AUTS2: variants seen among roughly 807,000 people sequenced by gnomAD.
The protein encoded by AUTS2 is activator of transcription and developmental regulator AUTS2.
In AUTS2, 17 loss-of-function variants were observed where a neutral mutation model predicts 112.4. The ratio of observed to expected loss-of-function variants is 0.15; its 90% CI spans 0.10 to 0.23. AUTS2 has a LOEUF of 0.23. Among genes scored for constraint, AUTS2 ranks in the 10% least tolerant of loss-of-function variants. AUTS2 has a pLI of 1.00. For synonymous variants in AUTS2, 751 were observed against 702.7 expected (o/e 1.07, Z -1.09); for missense variants, 1,510 against 1,701.6 (o/e 0.89, Z 1.98).
chr7:69,939,507 A>G (rs961331854), intron 2 of AUTS2, among the ~76,000 whole-genome samples: 1 of 152,128 alleles, frequency 6.6e-6, no homozygotes, highest in African/African-American at 2.4e-5. Flanking sequence ...GATAAACTTG[A>G]TACCTTTTGC....
intron 5 of AUTS2, among the ~76,000 whole-genome samples, chr7:70,531,273 C>T (rs1489710352): frequency 1.1e-5 from 1 of 89,100 alleles, no homozygotes; most frequent in African/African-American, 6.1e-5. Flanking sequence ...TTTATTGTAA[C>T]AAAAGTATTT....
intron 5 of AUTS2, among the ~76,000 whole-genome samples, chr7:70,648,876 G>A (rs76206942): frequency 0.013 from 1,929 of 152,232 alleles, 35 homozygotes; most frequent in African/African-American, 0.044. Flanking sequence ...ATGAGCCACC[G>A]CGCCCAGCCC....
At position 69,901,364 on chromosome 7, in the gene AUTS2, A is replaced by G. The variant is rs138553870; in HGVS notation, c.522+1866A>G. On this transcript the variant is annotated intron_variant, in intron 2 of 18. Transcript: ENST00000342771. The stretch of plus-strand genomic sequence containing the variant: ...CCAAGCTGCGGATCCTCATCCTTGA[A>G]TCTTTTTCTTCTAGACGTGATCTGA... Among the ~76,000 whole-genome samples, 1,386 of 152,100 alleles carry G rather than the reference A, an allele frequency of 9.1e-3. 13 individuals carry two copies. The highest frequency in any genetic ancestry group is 0.034 in the Middle Eastern group (10 of 294).
intron 5 of AUTS2, among the ~76,000 whole-genome samples, chr7:70,571,391 A>T (rs951864544): frequency 3.3e-5 from 5 of 152,192 alleles, no homozygotes; most frequent in African/African-American, 1.2e-4. Flanking sequence ...GATAGATGTT[A>T]ATTACCTAGC....
In AUTS2 at chr7:69,705,197, C is replaced by T. The variant is rs537034172; in HGVS notation, c.309+105235C>T. Among the ~76,000 whole-genome samples, 4 of 152,304 alleles carry T rather than the reference C, an allele frequency of 2.6e-5. No homozygotes were observed. In the East Asian group the frequency reaches 5.8e-4, roughly 22 times the overall value. ...ATGTCTTCTATGCCTAGACTGTCTC[C>T]TACCCTTTTTCTTTGCAGACTTGGA... On this transcript the variant is annotated intron_variant, in intron 1 of 18. Transcript: ENST00000342771.
chr7:70,763,401 G>T, intron 7 of AUTS2, 60 bp downstream of exon 7: 1 of 1,246,838 alleles, frequency 8.0e-7, no homozygotes. Context: ...TCAGGTGGGT[G>T]GGAGTCGGGG....
chr7:70,243,099 C>T (rs998598132), intron 4 of AUTS2, among the ~76,000 whole-genome samples: 1 of 152,084 alleles, frequency 6.6e-6, no homozygotes, highest in African/African-American at 2.4e-5. Flanking sequence ...AAAACGAGGT[C>T]TCTGAGTACA....
rs1339719666 is a variant in AUTS2 at position 70,768,196 on chromosome 7, C to T, written c.1734+128C>T. Reference sequence around the variant, plus strand: ...TGCAAGAGTTCCCATTGCTCCTCGCCACTTTGGATGCTTGCTTTTGTGGTG... The same window carrying T: ...TGCAAGAGTTCCCATTGCTCCTCGCTACTTTGGATGCTTGCTTTTGTGGTG... On this transcript the variant is annotated intron_variant, in intron 10 of 18. Transcript: ENST00000342771. 4.7e-6 allele frequency: 4 copies of T among 851,262 alleles called. No individual in the cohort carries two copies. The African/African-American group carries it at 5.3e-5, about 11-fold the overall frequency. 52.7% of individuals were successfully genotyped at this position (851,262 alleles called of 1,614,324 possible). A position where few individuals can be genotyped will look rare whatever the true frequency, so the allele number is the denominator to read the frequency against.
At chr7:70,328,541 A>G (rs369764025) in intron 4 of AUTS2, among the ~76,000 whole-genome samples, 14 of 152,216 alleles carry the variant, frequency 9.2e-5, no homozygotes, top group African/African-American at 3.4e-4. Flanking sequence ...GTTTTTTAAG[A>G]TCACACTGCA....
intron 5 of AUTS2, among the ~76,000 whole-genome samples, chr7:70,592,430 C>T (rs999906804): frequency 1.3e-5 from 2 of 152,038 alleles, no homozygotes; most frequent in Admixed American, 6.6e-5. Flanking sequence ...GTTGCACAAT[C>T]TCAGCTCACT....
At chr7:70,275,775 C>T (rs1244488685) in intron 4 of AUTS2, among the ~76,000 whole-genome samples, 1 of 152,132 alleles carries the variant, frequency 6.6e-6, no homozygotes, top group East Asian at 1.9e-4. Context: ...TCTCTGGGCA[C>T]TCATTCTTCT....
At chr7:70,605,060 A>T (rs1803659475) in intron 5 of AUTS2, among the ~76,000 whole-genome samples, 1 of 152,236 alleles carries the variant, frequency 6.6e-6, no homozygotes, top group Non-Finnish European at 1.5e-5. Flanking sequence ...TCCATTAAGC[A>T]CGCAAATGGT....
At chr7:69,803,778 C>G (rs1476526963) in intron 1 of AUTS2, among the ~76,000 whole-genome samples, 2 of 152,132 alleles carry the variant, frequency 1.3e-5, no homozygotes, top group Non-Finnish European at 2.9e-5. Context: ...GCCTGTAATC[C>G]CAGCACTTTG....
chr7:70,157,313 C>T (rs913022717), intron 4 of AUTS2, among the ~76,000 whole-genome samples: 1 of 151,918 alleles, frequency 6.6e-6, no homozygotes, highest in Non-Finnish European at 1.5e-5. Flanking sequence ...AGGTCTTGCT[C>T]TGTTGCCCAG....
intron 1 of AUTS2, among the ~76,000 whole-genome samples, chr7:69,704,071 CAT>C (rs1474740067): frequency 6.6e-6 from 1 of 152,150 alleles, no homozygotes; most frequent in Non-Finnish European, 1.5e-5. Flanking sequence ...CTGTCACTTG[CAT>C]TTGCCCCCTG....
chr7:70,680,691 G>A (rs922509632), intron 5 of AUTS2, among the ~76,000 whole-genome samples: 4 of 152,138 alleles, frequency 2.6e-5, no homozygotes, highest in Non-Finnish European at 5.9e-5. Flanking sequence ...AACTGGGAAC[G>A]TACTGCCTAG....
At position 70,187,775 on chromosome 7, in the gene AUTS2, C is replaced by CTTTTTTT. The variant is rs71077627; in HGVS notation, c.660+53219_660+53225dup. Among the ~76,000 whole-genome samples, 57 of 110,298 alleles carry CTTTTTTT rather than the reference C, an allele frequency of 5.2e-4. 2 individuals are homozygous for CTTTTTTT. Among genetic ancestry groups the CTTTTTTT allele is most frequent in the African/African-American group, 1.2e-3 (34 of 28,728 alleles). 72.4% of individuals were successfully genotyped at this position (110,298 alleles called of 152,430 possible). Reference sequence around the variant, plus strand: ...CTGTCAGACATACTCAACTAGTCTTCTTTTTTTTTTTTTTTTTTTTTGAGA... The same window carrying CTTTTTTT: ...CTGTCAGACATACTCAACTAGTCTTCTTTTTTTTTTTTTTTTTTTTTTTTTTTTGAGA... On this transcript the variant is annotated intron_variant, in intron 4 of 18. Transcript: ENST00000342771.
Position 69,637,451 on chromosome 7 carries a change from G to A in AUTS2, c.309+37489G>A, listed in dbSNP as rs147666731. On this transcript the variant is annotated intron_variant, in intron 1 of 18. Transcript: ENST00000342771. The stretch of plus-strand genomic sequence containing the variant: ...TTTTGCTATTGCCCCTGAAATTTAC[G>A]TCAGCCTTATAATCTTCTGTTCCCA... Among the ~76,000 whole-genome samples, 363 of 152,266 alleles carry A rather than the reference G, an allele frequency of 2.4e-3. 1 individual carries two copies. The highest frequency in any genetic ancestry group is 7.5e-3 in the African/African-American group (313 of 41,536).
chr7:70,567,945 A>AGACTGTCTTCTAAGCTTACAGTTAT (rs1801774294), intron 5 of AUTS2, among the ~76,000 whole-genome samples: 1 of 152,214 alleles, frequency 6.6e-6, no homozygotes. Context: ...CAACAACACT[A>AGACTGTCTTCTAAGCTTACAGTTAT]GACTGGGTTT....
Sources: allele counts gnomAD v4.1 joint callset (sites outside exome capture counted in the v4.1 genomes callset), GRCh38; gene constraint gnomAD v4.1.1; transcripts MANE v1.5; gene names NCBI Gene and HGNC (gene_info 2026-07-23, HGNC 2026-07-21).